The following SELENOF variants were observed in gnomAD, a reference collection of about 807,000 sequenced individuals.
SELENOF encodes the protein selenoprotein F.
A neutral mutation model predicts 20.5 loss-of-function variants in SELENOF; 16 were observed. The observed-to-expected ratio is 0.78, with a 90% CI of 0.53 to 1.19. SELENOF has a LOEUF of 1.19. Ranked by LOEUF, SELENOF falls within the 50% of genes most tolerant of loss-of-function variation. The pLI is 0.00. For synonymous variants in SELENOF, 78 were observed against 74.5 expected, an observed-to-expected ratio of 1.05 and a Z score of -0.24; for missense variants, 215 against 194.2, an observed-to-expected ratio of 1.11 and a Z score of -0.64.
chr1:86,869,264 A>T (rs543799153), intron 3 of SELENOF, among the ~76,000 whole-genome samples: 8 of 152,228 alleles, frequency 5.3e-5, no homozygotes, highest in Non-Finnish European at 1.2e-4. Flanking sequence ...GAAATAACTT[A>T]TAAAAAGTCT....
At chr1:86,871,713 G>A (rs1036247243) in intron 3 of SELENOF, among the ~76,000 whole-genome samples, 1 of 152,010 alleles carries the variant, frequency 6.6e-6, no homozygotes, top group Non-Finnish European at 1.5e-5. Context: ...GCTCATTTAT[G>A]AATGAGAAAA....
At chr1:86,880,838 A>G in intron 2 of SELENOF, 113 bp from the exon 3 acceptor site, 2 of 622,010 alleles carry the variant, frequency 3.2e-6, no homozygotes, top group South Asian at 6.1e-5. Flanking sequence ...ATATAGATCA[A>G]AGAAATGTCA....
intron 2 of SELENOF, chr1:86,887,053 A>T (rs1659238478): frequency 1.6e-6 from 2 of 1,256,168 alleles, no homozygotes; most frequent in Non-Finnish European, 2.1e-6. Flanking sequence ...CAGGGAAAAT[A>T]TTATCACCTA....
Position 86,863,441 on chromosome 1 carries a change from TAACAAAAGGATAG to T in SELENOF, c.*20_*32del, listed in dbSNP as rs1658510614. The T allele has an allele frequency of 6.3e-7, 1 of 1,580,674 alleles. No homozygotes were observed. Among genetic ancestry groups the T allele is most frequent in the Non-Finnish European group, 8.6e-7 (1 of 1,158,520 alleles). On this transcript the variant is annotated 3_prime_UTR_variant, in exon 5 of 5. Coordinates refer to ENST00000331835, the MANE Select transcript of SELENOF (RefSeq NM_004261.5). ...TGCTGTAATATTTCATTTGATAAGG[TAACAAAAGGATAG>T]GACAAAATTTAAGCAAGATTTATAT...
chr1:86,900,436 A>T (rs1044892103), intron 2 of SELENOF, among the ~76,000 whole-genome samples: 4 of 152,158 alleles, frequency 2.6e-5, no homozygotes, highest in Admixed American at 6.5e-5. Flanking sequence ...AAAAATACGA[A>T]AACCAGTCAG....
rs1215711556 is a variant in SELENOF at position 86,899,396 on chromosome 1, C to G, written c.252+3885G>C. Among the ~76,000 whole-genome samples, 7 of 127,856 alleles carry G rather than the reference C, an allele frequency of 5.5e-5. No homozygotes were observed. In the East Asian group the frequency reaches 1.4e-3, roughly 26 times the overall value. 83.9% of individuals were successfully genotyped at this position (127,856 alleles called of 152,430 possible). On this transcript the variant is annotated intron_variant, in intron 2 of 4. Transcript: ENST00000331835. ...GGCGCCCCTCACCTCCCGGACGGGA[C>G]GGCTGGCCGGGCAGGGGGCCGACCC...
intron 2 of SELENOF, among the ~76,000 whole-genome samples, chr1:86,894,900 T>C (rs1296858238): frequency 6.6e-6 from 1 of 152,130 alleles, no homozygotes; most frequent in Non-Finnish European, 1.5e-5. Flanking sequence ...TAAGCTCCAC[T>C]TTAACATTGG....
chr1:86,914,080 C>T lies in SELENOF; in HGVS notation c.32G>A (p.Cys11Tyr). 6.2e-7 allele frequency: 1 copy of T among 1,614,000 alleles called. No individual in the cohort carries two copies. The highest frequency in any genetic ancestry group is 8.5e-7 in the Non-Finnish European group (1 of 1,179,894). Residue 11 changes from cysteine to tyrosine, a missense_variant, in exon 1 of 5, where the codon TGT becomes TAT. Coordinates refer to ENST00000331835, the MANE Select transcript of SELENOF (RefSeq NM_004261.5). Reference protein sequence around the residue: MVAMAAGPSGCLVPAFGLRLL... With the variant: MVAMAAGPSGYLVPAFGLRLL... ...CCGTAGCCCAAACGCCGGCACCAGA[C>T]ACCCACTCGGCCCAGCCGCCATCGC...
chr1:86,893,901 TTA>T (rs1382063382), intron 2 of SELENOF, among the ~76,000 whole-genome samples: 3 of 152,236 alleles, frequency 2.0e-5, no homozygotes, highest in African/African-American at 7.2e-5. Context: ...ATTCATAAAT[TTA>T]TGTTATACAC....
At chr1:86,873,063 A>ATAAT (rs1183808557) in intron 3 of SELENOF, among the ~76,000 whole-genome samples, 3 of 84,030 alleles carry the variant, frequency 3.6e-5, no homozygotes, top group Non-Finnish European at 7.1e-5. Context: ...AAATAAATAA[A>ATAAT]TAAATAAATA....
At chr1:86,900,263 C>T (rs1659657957) in intron 2 of SELENOF, among the ~76,000 whole-genome samples, 1 of 151,996 alleles carries the variant, frequency 6.6e-6, no homozygotes, top group Admixed American at 6.5e-5. Flanking sequence ...TTGTAGCGAG[C>T]CGAGATCACG....
chr1:86,907,015 C>T (rs1659844554), intron 1 of SELENOF, among the ~76,000 whole-genome samples: 1 of 152,174 alleles, frequency 6.6e-6, no homozygotes. Context: ...TGCAATTATA[C>T]TATTTGGTTT....
At chr1:86,904,766 A>C (rs1659788562) in intron 1 of SELENOF, among the ~76,000 whole-genome samples, 1 of 152,206 alleles carries the variant, frequency 6.6e-6, no homozygotes, top group African/African-American at 2.4e-5. Context: ...AAAGGCATTC[A>C]AAACTGTTCT....
At chr1:86,895,190 C>T (rs979893378) in intron 2 of SELENOF, among the ~76,000 whole-genome samples, 1 of 152,160 alleles carries the variant, frequency 6.6e-6, no homozygotes. Context: ...AATCCAGGAA[C>T]TTGAAAGTGG....
chr1:86,910,402 C>G (rs1261988441), intron 1 of SELENOF, among the ~76,000 whole-genome samples: 2 of 152,036 alleles, frequency 1.3e-5, no homozygotes, highest in African/African-American at 4.8e-5. Context: ...AAGTTGATTC[C>G]TGCCTCAAAA....
intron 2 of SELENOF, among the ~76,000 whole-genome samples, chr1:86,886,350 G>C (rs1659217349): frequency 6.6e-6 from 1 of 151,868 alleles, no homozygotes; most frequent in Non-Finnish European, 1.5e-5. Flanking sequence ...TAAAACAGTA[G>C]GCTCTTTGTT....
At chr1:86,907,139 T>C (rs1357415979) in intron 1 of SELENOF, among the ~76,000 whole-genome samples, 1 of 152,200 alleles carries the variant, frequency 6.6e-6, no homozygotes, top group East Asian at 1.9e-4. Flanking sequence ...AGCTACCTTA[T>C]TTCTAAACAG....
At chr1:86,873,819 T>G (rs1039656434) in intron 3 of SELENOF, among the ~76,000 whole-genome samples, 8 of 143,478 alleles carry the variant, frequency 5.6e-5, no homozygotes, top group African/African-American at 2.1e-4. Context: ...GCTGTCGCAC[T>G]CCAGCCTGAA....
chr1:86,866,230 C>CTGTGTGTG (rs60714256), intron 4 of SELENOF, among the ~76,000 whole-genome samples: 7,617 of 113,570 alleles, frequency 0.067, 340 homozygotes, highest in African/African-American at 0.11. Context: ...GTGTGTGTCT[C>CTGTGTGTG]TGTGTGTGTG....
Sources: allele counts gnomAD v4.1 joint callset (sites outside exome capture counted in the v4.1 genomes callset), GRCh38; gene constraint gnomAD v4.1.1; transcripts MANE v1.5; gene names NCBI Gene and HGNC (gene_info 2026-07-23, HGNC 2026-07-21).